RSBN1L: variants seen among roughly 807,000 people sequenced by gnomAD.
RSBN1L encodes the protein round spermatid basic protein 1 like.
A neutral mutation model predicts 67.7 loss-of-function variants in RSBN1L; 30 were observed. That is an observed-to-expected ratio of 0.44 (90% CI 0.33 to 0.60). RSBN1L has a LOEUF of 0.60. RSBN1L is among the 20% of genes least tolerant of loss of function. The pLI, the probability that RSBN1L is intolerant of heterozygous loss-of-function variation, is 0.02. For missense variants in RSBN1L, 992 were observed against 1,031.7 expected, an observed-to-expected ratio of 0.96 and a Z score of 0.53; for synonymous variants, 433 against 387.0, an observed-to-expected ratio of 1.12 and a Z score of -1.39.
intron 1 of RSBN1L, among the ~76,000 whole-genome samples, chr7:77,718,564 A>T (rs1210919897): frequency 6.6e-6 from 1 of 152,180 alleles, no homozygotes; most frequent in South Asian, 2.1e-4. Flanking sequence ...GTGCTAGATT[A>T]CAGGTGTGAG....
chr7:77,696,743 T>A lies in RSBN1L; in HGVS notation c.274T>A (p.Ser92Thr). The change falls in exon 1 of 8, where the codon TCT becomes ACT. Residue 92 changes from serine (S) to threonine (T), a missense_variant. Physicochemically the swap from Ser to Thr is moderately conservative, Grantham distance 58. Coordinates refer to ENST00000334955, the MANE Select transcript of RSBN1L (RefSeq NM_198467.3). ...CGCGTCTTGGAGCTTTGCCCCTCTGTCTGCTGCTCCCTCCCCGTCCTCTTC... is the reference window on the plus strand; with the variant it reads ...CGCGTCTTGGAGCTTTGCCCCTCTGACTGCTGCTCCCTCCCCGTCCTCTTC... ...SPASWSFAPL[S>T]AAPSPSSSRS... 1 of 1,613,752 alleles carries A rather than the reference T, an allele frequency of 6.2e-7. No homozygotes were observed. Among genetic ancestry groups the A allele is most frequent in the South Asian group, 1.1e-5 (1 of 91,068 alleles).
At chr7:77,755,678 AAAAC>A (rs1005948457) in intron 3 of RSBN1L, among the ~76,000 whole-genome samples, 1 of 35,040 alleles carries the variant, frequency 2.9e-5, no homozygotes, top group Admixed American at 2.3e-4. Context: ...AAACAAAACA[AAAAC>A]AAAAAACAAA....
chr7:77,769,977 A>G (rs1352574219), intron 5 of RSBN1L, among the ~76,000 whole-genome samples: 5 of 152,214 alleles, frequency 3.3e-5, no homozygotes, highest in Non-Finnish European at 2.9e-5. Flanking sequence ...AGGAATAAAA[A>G]CACGAAAGGT....
At chr7:77,704,204 G>A (rs1297354949) in intron 1 of RSBN1L, among the ~76,000 whole-genome samples, 2 of 152,122 alleles carry the variant, frequency 1.3e-5, no homozygotes, top group Non-Finnish European at 2.9e-5. Flanking sequence ...CATCTGATAT[G>A]TTAGAATGAA....
At chr7:77,702,473 G>T (rs1724788890) in intron 1 of RSBN1L, among the ~76,000 whole-genome samples, 1 of 151,940 alleles carries the variant, frequency 6.6e-6, no homozygotes, top group African/African-American at 2.4e-5. Context: ...TCTTTTAGTT[G>T]GAGGTTTTGT....
chr7:77,738,305 T>TA (rs1562801293), intron 2 of RSBN1L, among the ~76,000 whole-genome samples: 1 of 152,150 alleles, frequency 6.6e-6, no homozygotes, highest in African/African-American at 2.4e-5. Context: ...TTGAGATTTT[T>TA]AAAAAATGAA....
chr7:77,704,334 C>G (rs1463603180), intron 1 of RSBN1L, among the ~76,000 whole-genome samples: 1 of 151,754 alleles, frequency 6.6e-6, no homozygotes, highest in Non-Finnish European at 1.5e-5. Flanking sequence ...GATAAACTAC[C>G]TAAAATAGGA....
At chr7:77,708,780 T>G (rs1170754477) in intron 1 of RSBN1L, among the ~76,000 whole-genome samples, 4 of 152,166 alleles carry the variant, frequency 2.6e-5, no homozygotes, top group Non-Finnish European at 4.4e-5. Context: ...TTTGGCATTG[T>G]GTAGGATGGA....
chr7:77,727,532 A>C (rs1277315203), intron 1 of RSBN1L, among the ~76,000 whole-genome samples: 2 of 152,112 alleles, frequency 1.3e-5, no homozygotes, highest in African/African-American at 4.8e-5. Context: ...TTTTCAAGAC[A>C]GACTCGCTTG....
intron 2 of RSBN1L, among the ~76,000 whole-genome samples, chr7:77,739,866 C>T (rs781239413): frequency 4.2e-5 from 6 of 144,108 alleles, no homozygotes; most frequent in Non-Finnish European, 9.0e-5. Flanking sequence ...TTTCCTGCCC[C>T]AGCCTCCTGA....
chr7:77,768,757 A>G lies in RSBN1L; in HGVS notation c.1579A>G (p.Met527Val). The change falls in exon 5 of 8, where the codon ATG becomes GTG. Residue 527 changes from methionine (M) to valine (V), a missense_variant. Met to Val is a conservative substitution (Grantham distance 21). Around this residue, in one of 7 missense-constraint regions of RSBN1L, gnomAD observed 67 missense variants for 130.5 expected, o/e 0.51. Coordinates refer to ENST00000334955, the MANE Select transcript of RSBN1L (RefSeq NM_198467.3). ...PIMWVRPGEQ[M>V]IPVADMPKSP... ...CATGTGGGTTCGTCCAGGAGAACAA[A>G]TGATCCCTGTGGCTGATATGCCAAA... 6.2e-7 allele frequency: 1 copy of G among 1,614,166 alleles called. No homozygotes were observed. Among genetic ancestry groups the G allele is most frequent in the Non-Finnish European group, 8.5e-7 (1 of 1,180,004 alleles).
chr7:77,759,568 C>T (rs1252728862), intron 3 of RSBN1L: 2 of 152,056 alleles, frequency 1.3e-5, no homozygotes, highest in African/African-American at 4.8e-5. Flanking sequence ...AGGGACTCTC[C>T]TCCCCACCCG....
chr7:77,750,448 A>G (rs536445615), intron 3 of RSBN1L, among the ~76,000 whole-genome samples: 2 of 152,186 alleles, frequency 1.3e-5, no homozygotes, highest in South Asian at 4.1e-4. Flanking sequence ...GGTACTTAGC[A>G]CCAGGCCCAT....
intron 2 of RSBN1L, among the ~76,000 whole-genome samples, chr7:77,739,094 C>T (rs890004067): frequency 2.6e-5 from 4 of 152,100 alleles, no homozygotes; most frequent in African/African-American, 9.7e-5. Context: ...TTACTATCTA[C>T]GAGAAAGAAT....
chr7:77,721,181 T>G (rs1030450021), intron 1 of RSBN1L, among the ~76,000 whole-genome samples: 44 of 152,172 alleles, frequency 2.9e-4, no homozygotes, highest in Admixed American at 1.2e-3. Flanking sequence ...ATTGGAGAGA[T>G]AAATAGCTGC....
rs781358013 is a variant in RSBN1L, at chr7:77,696,493, G to A, written c.24G>A (p.Val8=). 6.2e-6 allele frequency: 10 copies of A among 1,613,184 alleles called. No homozygotes were observed. In the Admixed American group the frequency reaches 1.5e-4, roughly 24 times the overall value. Residue 8 remains valine (V), a synonymous_variant, in exon 1 of 8, where the codon GTG becomes GTA. Coordinates refer to ENST00000334955, the MANE Select transcript of RSBN1L (RefSeq NM_198467.3). The part of the protein sequence containing the change: MAEPPSP[V]HCVAAAAPTA... ...AAATGGCGGAACCGCCGAGCCCCGTGCACTGTGTCGCTGCCGCGGCCCCCA... is the reference window on the plus strand; with the variant it reads ...AAATGGCGGAACCGCCGAGCCCCGTACACTGTGTCGCTGCCGCGGCCCCCA...
At chr7:77,752,382 C>G (rs759102441) in intron 3 of RSBN1L, among the ~76,000 whole-genome samples, 1 of 148,348 alleles carries the variant, frequency 6.7e-6, no homozygotes, top group East Asian at 1.9e-4. Flanking sequence ...GTGCAAGGCC[C>G]GTATTCCTTT....
chr7:77,738,297 G>T (rs1053123065), intron 2 of RSBN1L, among the ~76,000 whole-genome samples: 4 of 152,060 alleles, frequency 2.6e-5, no homozygotes, highest in African/African-American at 9.7e-5. Context: ...CCTAAAAATT[G>T]AGATTTTTAA....
chr7:77,741,019 C>G (rs558535705), intron 2 of RSBN1L, among the ~76,000 whole-genome samples: 1 of 139,832 alleles, frequency 7.2e-6, no homozygotes, highest in South Asian at 2.4e-4. Flanking sequence ...CGGAGTTTCA[C>G]TGTGATACCC....
Sources: gnomAD v4.1 joint callset for allele counts (sites outside exome capture counted in the v4.1 genomes callset) on GRCh38, gnomAD v4.1.1 for gene constraint, gnomAD v4.1.1 regional missense constraint, MANE v1.5 for transcripts, NCBI Gene and HGNC (gene_info 2026-07-23, HGNC 2026-07-21) for gene names.